Variants in PHF19 observed in about 807,000 individuals in gnomAD.
PHF19 encodes the protein polycomb like 3.
In PHF19, 21 loss-of-function variants were observed where a neutral mutation model predicts 79.8. The ratio of observed to expected loss-of-function variants is 0.26; its 90% confidence interval spans 0.19 to 0.38. The LOEUF (loss-of-function observed/expected upper bound fraction) is 0.38. Among genes scored for constraint, PHF19 ranks in the 10% least tolerant of loss-of-function variants. PHF19 has a pLI of 1.00. For synonymous variants in PHF19, 273 were observed against 296.3 expected, an observed-to-expected ratio of 0.92 and a Z score of 0.81; for missense variants, 445 against 744.2, an observed-to-expected ratio of 0.60 and a Z score of 4.68.
upstream of PHF19, among the ~76,000 whole-genome samples, chr9:120,881,916 C>G (rs1208508188): frequency 6.6e-6 from 1 of 152,226 alleles, no homozygotes; most frequent in Admixed American, 6.5e-5. Flanking sequence ...TGCACGCTAT[C>G]ACGCCTGGCT....
upstream of PHF19, among the ~76,000 whole-genome samples, chr9:120,877,764 C>T (rs1055160334): frequency 2.0e-5 from 3 of 152,230 alleles, no homozygotes; most frequent in Non-Finnish European, 4.4e-5. Context: ...ATACACAACA[C>T]ACAGTGCACA....
upstream of PHF19, among the ~76,000 whole-genome samples, chr9:120,881,149 G>A (rs60692488): frequency 2.1e-3 from 274 of 133,630 alleles, 17 homozygotes; most frequent in South Asian, 3.5e-3. Context: ...TCGGGGGTTT[G>A]TTTTTTTTTT....
At chr9:120,881,717 A>C (rs969280104), upstream of PHF19, among the ~76,000 whole-genome samples, 4 of 152,140 alleles carry the variant, frequency 2.6e-5, no homozygotes, top group African/African-American at 9.7e-5. Context: ...GGGTGGTTAC[A>C]GTGCACAGTG....
chr9:120,882,473 A>G (rs1203222194), intron 1 of PHF19, among the ~76,000 whole-genome samples: 1 of 152,230 alleles, frequency 6.6e-6, no homozygotes, highest in Non-Finnish European at 1.5e-5. Flanking sequence ...CTTAAAATAT[A>G]CAGTCATTAT....
At chr9:120,864,687 A>G (rs1054205770) in intron 9 of PHF19, among the ~76,000 whole-genome samples, 1 of 152,218 alleles carries the variant, frequency 6.6e-6, no homozygotes, top group Non-Finnish European at 1.5e-5. Context: ...CGTCTCAAAC[A>G]AACAAACAAA....
chr9:120,896,577 G>A (rs1219446828), upstream of PHF19, among the ~76,000 whole-genome samples: 4 of 150,084 alleles, frequency 2.7e-5, no homozygotes, highest in Admixed American at 6.7e-5. Context: ...TCAGCCTCCC[G>A]TGTAGCTGGG....
chr9:120,890,508 T>G (rs575143352), intron 1 of PHF19, among the ~76,000 whole-genome samples: 24 of 152,218 alleles, frequency 1.6e-4, no homozygotes, highest in African/African-American at 5.5e-4. Context: ...ATTTCAGTAA[T>G]TAGCTCTCTG....
At chr9:120,896,283 A>C (rs968611012), upstream of PHF19, among the ~76,000 whole-genome samples, 4 of 152,130 alleles carry the variant, frequency 2.6e-5, no homozygotes, top group Admixed American at 2.6e-4. Flanking sequence ...TCTTAGGTCC[A>C]TGATCTCATT....
chr9:120,888,626 TC>T (rs952348360), intron 1 of PHF19, among the ~76,000 whole-genome samples: 7 of 152,182 alleles, frequency 4.6e-5, no homozygotes, highest in Admixed American at 2.6e-4. Context: ...GGGCCTTGTA[TC>T]AGTTGGAATT....
In PHF19 at chr9:120,862,148, T is replaced by C; in HGVS notation, c.1131-143A>G. On this transcript the variant is annotated intron_variant, in intron 11 of 14. Coordinates refer to ENST00000373896, the MANE Select transcript of PHF19 (RefSeq NM_015651.3). The surrounding 1 kb of genome is among the most constrained non-coding windows in gnomAD (Gnocchi z 4.6). ...ACAGCTGCACCTTCACAGGGAGGCC[T>C]GGGGAGGAGGGAGAGTCCTCAGGAG... The C allele has an allele frequency of 1.4e-6, 1 of 711,404 alleles. No homozygotes were observed. 44.1% of individuals were successfully genotyped at this position (711,404 alleles called of 1,614,324 possible). A position where few individuals can be genotyped will look rare whatever the true frequency, so the allele number is the denominator to read the frequency against.
In PHF19 at chr9:120,874,619, C is replaced by T. The variant is rs776535414; in HGVS notation, c.123G>A (p.Thr41=). ...NNFKDLMSKL[T]EGQYVLCRWT... is the part of the protein sequence containing the mutation. ...ACCGGCACAGCACATACTGGCCCTC[C>T]GTCAGTTTGGACATCAAGTCTTTGA... The change falls in exon 2 of 15, where the codon ACG becomes ACA. Residue 41 remains threonine (T), a synonymous_variant. Transcript: ENST00000373896. This position sits in a 1 kb window ranked among gnomAD's most constrained non-coding sequence, Gnocchi z 4.5. The T allele has an allele frequency of 2.4e-5, 38 of 1,613,804 alleles. No individual in the cohort carries two copies. The highest frequency in any genetic ancestry group is 8.9e-5 in the East Asian group (4 of 44,904).
chr9:120,901,995 C>T, the PHF19 span, among the ~76,000 whole-genome samples: 2 of 152,212 alleles, frequency 1.3e-5, no homozygotes, highest in South Asian at 2.1e-4. Flanking sequence ...TACTGAGGGG[C>T]TGTCATCGAT....
At chr9:120,893,739 C>T (rs959216007) in intron 1 of PHF19, among the ~76,000 whole-genome samples, 3 of 152,168 alleles carry the variant, frequency 2.0e-5, no homozygotes, top group Non-Finnish European at 4.4e-5. Flanking sequence ...GGGTTGGACA[C>T]CAGGCAGACA....
exon 1 of PHF19, chr9:120,894,837 G>A: frequency 8.1e-7 from 1 of 1,228,410 alleles, no homozygotes. Flanking sequence ...CATAGTGCAG[G>A]GCACGTAGGA....
intron 1 of PHF19, among the ~76,000 whole-genome samples, chr9:120,887,073 A>AAAAAAGAAAAG (rs111427727): frequency 2.1e-5 from 3 of 144,356 alleles, no homozygotes; most frequent in Admixed American, 7.0e-5. Flanking sequence ...CTAAAAAAAA[A>AAAAAAGAAAAG]AAAAGAAAAG....
chr9:120,865,986 T>G (rs2045686937), intron 8 of PHF19, 42 bp downstream of exon 8: 2 of 1,577,350 alleles, frequency 1.3e-6, no homozygotes, highest in Non-Finnish European at 1.7e-6. Context: ...GGGGAGAAGC[T>G]GGGAGGAGCA....
Position 120,865,754 on chromosome 9 carries a change from G to T in PHF19, c.856C>A (p.Leu286Met), listed in dbSNP as rs765474068. Reference sequence around the variant, plus strand: ...TCCCAGTGGTGGTTGACAAAGGCCAGAATCTCCTCAAAGTCAAAGTACTTC... The same window carrying T: ...TCCCAGTGGTGGTTGACAAAGGCCATAATCTCCTCAAAGTCAAAGTACTTC... ...KKKYFDFEEILAFVNHHWELL... is the reference protein window; with the variant it reads ...KKKYFDFEEIMAFVNHHWELL... Residue 286 changes from leucine to methionine, a missense_variant, in exon 9 of 15, where the codon CTG becomes ATG. By Grantham distance (15) the Leu-to-Met change is conservative. This residue lies in a region of PHF19 where 167 missense variants were observed against 375.8 expected (regional missense o/e 0.44). Coordinates refer to ENST00000373896, the MANE Select transcript of PHF19 (RefSeq NM_015651.3). 6 of 1,614,078 alleles carry T rather than the reference G, an allele frequency of 3.7e-6. No individual in the cohort carries two copies. The highest frequency in any genetic ancestry group is 4.2e-6 in the Non-Finnish European group (5 of 1,180,022).
In PHF19 at chr9:120,883,761, CAAAAA is replaced by C. The variant is rs563911814; in HGVS notation, c.43-9010_43-9006del. Among the ~76,000 whole-genome samples, 180 of 109,958 alleles carry C rather than the reference CAAAAA, an allele frequency of 1.6e-3. 2 individuals are homozygous for C. The Middle Eastern group carries it at 0.029, about 18-fold the overall frequency. The allele number at this position is 109,958 out of a possible 152,430, so 72.1% of individuals were successfully genotyped here. On this transcript the variant is annotated intron_variant, in intron 1 of 14. Transcript: ENST00000616568. ...GGGTGACAGAACAAGACACTGTCTC[CAAAAA>C]AAAAAAAAAAAAAAATAGAAGCTCC...
Position 120,864,033 on chromosome 9 carries a change from C to A in PHF19, c.968+16G>T, listed in dbSNP as rs10985064. The stretch of plus-strand genomic sequence containing the variant: ...GTAGAGGGCCCCACCACACTCCCTC[C>A]CCTCCCTGCACGCACCGGCTTTTAT... On this transcript the variant is annotated intron_variant, in intron 10 of 14. Transcript: ENST00000373896. 171,248 of 1,608,008 alleles carry A rather than the reference C, an allele frequency of 0.11. 9,727 individuals are homozygous for A. Among genetic ancestry groups the A allele is most frequent in the Non-Finnish European group, 0.12 (136,577 of 1,175,746 alleles).
Sources: gnomAD v4.1 joint callset for allele counts (sites outside exome capture counted in the v4.1 genomes callset) on GRCh38, gnomAD v4.1.1 for gene constraint, gnomAD v4.1.1 regional missense constraint, Gnocchi (gnomAD v3.1) non-coding constraint, MANE v1.5 for transcripts, NCBI Gene and HGNC (gene_info 2026-07-23, HGNC 2026-07-21) for gene names.